Variants in ACYP2 observed in about 807,000 individuals in gnomAD.
ACYP2 encodes the protein acylphosphatase-2.
ACYP2 carries 12 observed loss-of-function variants against 11.2 expected under a neutral mutation model. The observed-to-expected ratio is 1.08, with a 90% confidence interval of 0.69 to 1.74. The LOEUF is 1.74. Ranked by LOEUF, ACYP2 falls within the 40% of genes most tolerant of loss-of-function variation. The probability of loss-of-function intolerance (pLI) is 0.00; values close to 1 mark genes in which losing one functional copy is unlikely to be tolerated. For missense variants in ACYP2, 134 were observed against 101.9 expected (o/e 1.31, Z -1.35); for synonymous variants, 43 against 32.2 (o/e 1.33, Z -1.13).
At chr2:54,128,070 A>C (rs1287524326) in intron 4 of ACYP2, among the ~76,000 whole-genome samples, 1 of 152,232 alleles carries the variant, frequency 6.6e-6, no homozygotes, top group East Asian at 1.9e-4. Flanking sequence ...CCTTTTGTCC[A>C]GTCATTCATA....
chr2:54,152,410 C>T (rs1682223131), intron 6 of ACYP2, among the ~76,000 whole-genome samples: 1 of 152,122 alleles, frequency 6.6e-6, no homozygotes, highest in Non-Finnish European at 1.5e-5. Context: ...TGGCATGAGC[C>T]ACTGTGCCTG....
chr2:54,113,445 A>G (rs934149298), intron 4 of ACYP2, among the ~76,000 whole-genome samples: 2 of 151,780 alleles, frequency 1.3e-5, no homozygotes, highest in Non-Finnish European at 2.9e-5. Flanking sequence ...GCTTCACTGT[A>G]TTGTCCAGGC....
rs150855892 is a variant in ACYP2, at chr2:54,044,078, T to C, written c.63-6880T>C. Among the ~76,000 whole-genome samples, 136 of 152,268 alleles carry C rather than the reference T, an allele frequency of 8.9e-4. 1 individual carries two copies. Among genetic ancestry groups the C allele is most frequent in the Non-Finnish European group, 1.6e-3 (112 of 68,016 alleles). ...ATCAAGGACAGAGACGAGATCTCTC[T>C]TCTAGATCTCCATCTCCAAACACTC... On this transcript the variant is annotated intron_variant, in intron 2 of 6. Transcript: ENST00000607452.
intron 2 of ACYP2, among the ~76,000 whole-genome samples, chr2:53,996,071 T>C (rs376287310): frequency 2.0e-5 from 3 of 151,278 alleles, no homozygotes; most frequent in Non-Finnish European, 4.4e-5. Flanking sequence ...GAGGTGGAGA[T>C]GGCAGTCAGC....
chr2:54,039,694 A>G (rs2104561842), intron 2 of ACYP2, among the ~76,000 whole-genome samples: 1 of 152,274 alleles, frequency 6.6e-6, no homozygotes, highest in African/African-American at 2.4e-5. Flanking sequence ...CTGGGATTAC[A>G]GGCATGAGCC....
At chr2:54,029,380 T>C (rs1674460421) in intron 2 of ACYP2, among the ~76,000 whole-genome samples, 1 of 112,572 alleles carries the variant, frequency 8.9e-6, no homozygotes, top group Non-Finnish European at 1.9e-5. Context: ...GTTTCTTACA[T>C]TTTATTACTT....
At chr2:54,012,511 C>CTCAA (rs761462807) in intron 2 of ACYP2, among the ~76,000 whole-genome samples, 13 of 152,244 alleles carry the variant, frequency 8.5e-5, no homozygotes, top group Admixed American at 4.6e-4. Context: ...AAGACCCTGT[C>CTCAA]TCAATCAATC....
At chr2:54,042,814 C>G in intron 2 of ACYP2, among the ~76,000 whole-genome samples, 1 of 152,190 alleles carries the variant, frequency 6.6e-6, no homozygotes, top group East Asian at 1.9e-4. Context: ...TGCAGACTCT[C>G]GTTTCACGAA....
intron 2 of ACYP2, among the ~76,000 whole-genome samples, chr2:53,995,006 G>C (rs905893355): frequency 6.6e-6 from 1 of 152,180 alleles, no homozygotes; most frequent in Admixed American, 6.5e-5. Flanking sequence ...GCTATGACAA[G>C]AGTGTCTTTC....
intron 6 of ACYP2, among the ~76,000 whole-genome samples, chr2:54,153,549 A>G (rs562152512): frequency 2.6e-3 from 389 of 150,110 alleles, no homozygotes; most frequent in Non-Finnish European, 4.0e-3. Context: ...TGAAATGTTA[A>G]TAGGGATTGC....
intron 2 of ACYP2, among the ~76,000 whole-genome samples, chr2:54,012,922 T>A (rs1397623551): frequency 6.6e-6 from 1 of 151,870 alleles, no homozygotes; most frequent in Non-Finnish European, 1.5e-5. Context: ...TCTTCTCTGA[T>A]CTCACCTCCC....
chr2:54,079,798 A>C (rs1408388422), intron 4 of ACYP2: 1 of 152,262 alleles, frequency 6.6e-6, no homozygotes. Flanking sequence ...TAAGTACAGA[A>C]GTGAACATTT....
At chr2:54,157,331 T>G (rs996364223) in intron 6 of ACYP2, among the ~76,000 whole-genome samples, 2 of 152,238 alleles carry the variant, frequency 1.3e-5, no homozygotes, top group African/African-American at 4.8e-5. Flanking sequence ...CATATTATTC[T>G]GCAACTTAAA....
At chr2:54,097,882 C>G (rs1345543602) in intron 4 of ACYP2, among the ~76,000 whole-genome samples, 3 of 141,696 alleles carry the variant, frequency 2.1e-5, no homozygotes, top group African/African-American at 8.9e-5. Flanking sequence ...CTCTCTCTCT[C>G]TCTCCCCTCC....
At chr2:54,121,952 T>C (rs1036474029) in intron 4 of ACYP2, among the ~76,000 whole-genome samples, 1 of 152,228 alleles carries the variant, frequency 6.6e-6, no homozygotes, top group Admixed American at 6.5e-5. Context: ...GAGAAGAAAT[T>C]GTAGTGTGAT....
intron 6 of ACYP2, among the ~76,000 whole-genome samples, chr2:54,301,377 C>T (rs1573076486): frequency 6.6e-6 from 1 of 152,128 alleles, no homozygotes; most frequent in Non-Finnish European, 1.5e-5. Context: ...CCAGAGTTAA[C>T]CCCCCAATTC....
chr2:54,105,412 C>A (rs929056184), intron 4 of ACYP2, among the ~76,000 whole-genome samples: 1 of 152,116 alleles, frequency 6.6e-6, no homozygotes, highest in African/African-American at 2.4e-5. Flanking sequence ...CGATCACTTC[C>A]CCAGAGACCT....
intron 4 of ACYP2, among the ~76,000 whole-genome samples, chr2:54,114,867 G>C (rs1679662458): frequency 6.6e-6 from 1 of 152,172 alleles, no homozygotes; most frequent in African/African-American, 2.4e-5. Context: ...CTTCCTGACT[G>C]TACAGAAGAG....
chr2:54,291,932 G>A (rs1292376744), intron 6 of ACYP2, among the ~76,000 whole-genome samples: 2 of 152,084 alleles, frequency 1.3e-5, no homozygotes, highest in Non-Finnish European at 2.9e-5. Context: ...ATTCTATAGG[G>A]GTATGCACTG....
Sources: gnomAD v4.1 joint callset for allele counts (sites outside exome capture counted in the v4.1 genomes callset) on GRCh38, gnomAD v4.1.1 for gene constraint, MANE v1.5 for transcripts, NCBI Gene and HGNC (gene_info 2026-07-23, HGNC 2026-07-21) for gene names.